TENM4: variants seen among roughly 807,000 people sequenced by gnomAD.
TENM4 encodes teneurin transmembrane protein 4.
In TENM4, 82 loss-of-function variants were observed where a neutral mutation model predicts 243.3. That is an observed-to-expected ratio of 0.34 (90% confidence interval 0.28 to 0.40). TENM4 has a LOEUF of 0.40. Among genes scored for constraint, TENM4 ranks in the 10% least tolerant of loss-of-function variants. The pLI, the probability that TENM4 is intolerant of heterozygous loss-of-function variation, is 1.00. For synonymous variants in TENM4, 1,412 were observed against 1,456.3 expected, an observed-to-expected ratio of 0.97 and a Z score of 0.69; for missense variants, 3,138 against 3,673.3, an observed-to-expected ratio of 0.85 and a Z score of 3.77.
intron 2 of TENM4, among the ~76,000 whole-genome samples, chr11:79,254,893 A>T (rs1855674235): frequency 6.6e-6 from 1 of 152,054 alleles, no homozygotes; most frequent in Non-Finnish European, 1.5e-5. Flanking sequence ...GGGGCTTGGG[A>T]GGTGGAAGGA....
intron 1 of TENM4, among the ~76,000 whole-genome samples, chr11:79,380,420 A>C (rs1395040707): frequency 6.6e-6 from 1 of 152,166 alleles, no homozygotes; most frequent in African/African-American, 2.4e-5. Context: ...GGGTGGTATC[A>C]TGGGAGAATC....
chr11:78,864,186 A>G (rs1341767257), intron 9 of TENM4, among the ~76,000 whole-genome samples: 1 of 152,178 alleles, frequency 6.6e-6, no homozygotes, highest in Non-Finnish European at 1.5e-5. Flanking sequence ...ATCGGGGGAT[A>G]GGAGGGAAAC....
intron 27 of TENM4, among the ~76,000 whole-genome samples, chr11:78,704,641 A>G (rs886524776): frequency 3.3e-5 from 5 of 152,178 alleles, no homozygotes; most frequent in Admixed American, 2.0e-4. Flanking sequence ...AAAATATAAG[A>G]AGTTTAGCTA....
intron 12 of TENM4, among the ~76,000 whole-genome samples, chr11:78,826,310 C>T (rs1296370090): frequency 1.3e-5 from 2 of 152,088 alleles, no homozygotes; most frequent in African/African-American, 4.8e-5. Context: ...TGGTCTTGAA[C>T]TCCTGACCTT....
intron 6 of TENM4, among the ~76,000 whole-genome samples, chr11:78,962,899 C>T (rs1033480341): frequency 1.8e-4 from 27 of 152,262 alleles, no homozygotes; most frequent in African/African-American, 6.5e-4. Context: ...AAGGCTTCAC[C>T]TTTGGCAGTC....
At chr11:78,713,621 T>C (rs1859451335) in intron 25 of TENM4, among the ~76,000 whole-genome samples, 1 of 152,192 alleles carries the variant, frequency 6.6e-6, no homozygotes, top group South Asian at 2.1e-4. Context: ...GAATAGTCCT[T>C]ATGTGCAAAA....
intron 2 of TENM4, among the ~76,000 whole-genome samples, chr11:79,244,154 T>G (rs12577910): frequency 0.15 from 22,322 of 152,116 alleles, 1,639 homozygotes; most frequent in Middle Eastern, 0.28. Flanking sequence ...CAGAAGGTGT[T>G]GGATGGGCCT....
chr11:79,347,803 C>T (rs373402749), intron 1 of TENM4, among the ~76,000 whole-genome samples: 1 of 119,652 alleles, frequency 8.4e-6, no homozygotes, highest in Non-Finnish European at 1.6e-5. Flanking sequence ...GACGGAGTCT[C>T]GCTCTGTCGC....
intron 6 of TENM4, among the ~76,000 whole-genome samples, chr11:78,935,960 C>G (rs544560901): frequency 4.6e-5 from 7 of 152,176 alleles, no homozygotes; most frequent in Admixed American, 1.3e-4. Context: ...ACAGTGAGAT[C>G]TGTAAGGGCC....
intron 1 of TENM4, among the ~76,000 whole-genome samples, chr11:79,345,492 T>C (rs1857311029): frequency 1.3e-5 from 2 of 152,236 alleles, no homozygotes. Flanking sequence ...GTAATCTCTA[T>C]AACAAGCGAA....
intron 2 of TENM4, among the ~76,000 whole-genome samples, chr11:79,281,982 A>G (rs2135365465): frequency 6.6e-6 from 1 of 152,312 alleles, no homozygotes; most frequent in African/African-American, 2.4e-5. Context: ...CCTGTCCCAC[A>G]GGCCCACTAG....
chr11:78,866,362 C>T lies in TENM4; in HGVS notation c.1085-3230G>A, dbSNP rs549361900. On this transcript the variant is annotated intron_variant, in intron 9 of 33. Coordinates refer to ENST00000278550, the MANE Select transcript of TENM4 (RefSeq NM_001098816.3). ...AAAAGGTCATGAGAATTAACTAATC[C>T]CAGAATGAATAGAACTCTCACAGCT... is the stretch of plus-strand genomic sequence containing the variant. Among the ~76,000 whole-genome samples the T allele has an allele frequency of 5.9e-5, 9 of 151,722 alleles. No individual in the cohort carries two copies. The South Asian group carries it at 1.7e-3, about 28-fold the overall frequency.
At chr11:78,755,389 G>C (rs974340141) in intron 19 of TENM4, among the ~76,000 whole-genome samples, 3 of 151,978 alleles carry the variant, frequency 2.0e-5, no homozygotes, top group Non-Finnish European at 4.4e-5. Flanking sequence ...GGCTGGTCTC[G>C]AACTCCCGGG....
chr11:79,115,832 T>G (rs1210724423), intron 4 of TENM4, among the ~76,000 whole-genome samples: 1 of 152,156 alleles, frequency 6.6e-6, no homozygotes, highest in African/African-American at 2.4e-5. Context: ...GCCAGGCACC[T>G]CACCTATCCC....
intron 12 of TENM4, among the ~76,000 whole-genome samples, chr11:78,849,483 G>A (rs761658522): frequency 6.6e-6 from 1 of 152,104 alleles, no homozygotes; most frequent in Non-Finnish European, 1.5e-5. Flanking sequence ...GTAAAGTTGA[G>A]GTCAACATAT....
At chr11:79,041,348 G>C (rs553326278) in intron 6 of TENM4, among the ~76,000 whole-genome samples, 59 of 152,190 alleles carry the variant, frequency 3.9e-4, no homozygotes, top group African/African-American at 1.4e-3. Context: ...ATAGGCATGA[G>C]CCATCATGCC....
chr11:78,887,665 T>A (rs1455301251), intron 9 of TENM4, among the ~76,000 whole-genome samples: 3 of 152,220 alleles, frequency 2.0e-5, no homozygotes, highest in Non-Finnish European at 1.5e-5. Flanking sequence ...GTCCCTGAGC[T>A]CTATCTGTAT....
chr11:78,893,609 C>T (rs1223261722), intron 7 of TENM4, among the ~76,000 whole-genome samples: 9 of 152,144 alleles, frequency 5.9e-5, no homozygotes, highest in Middle Eastern at 3.4e-3. Context: ...CTTTCCTCTG[C>T]CTCCCTCAAC....
At chr11:79,176,099 A>T (rs950851752) in intron 3 of TENM4, among the ~76,000 whole-genome samples, 29 of 152,178 alleles carry the variant, frequency 1.9e-4, no homozygotes, top group African/African-American at 7.0e-4. Flanking sequence ...CTCAAAATAA[A>T]TAAATAAATA....
Sources: gnomAD v4.1 joint callset for allele counts (sites outside exome capture counted in the v4.1 genomes callset) on GRCh38, gnomAD v4.1.1 for gene constraint, MANE v1.5 for transcripts, NCBI Gene and HGNC (gene_info 2026-07-23, HGNC 2026-07-21) for gene names.